Variants in RPL39L observed in about 807,000 individuals in gnomAD.
RPL39L encodes the protein ribosomal protein eL39-like 2.
For missense variants in RPL39L, 48 were observed against 58.9 expected (o/e 0.81, Z 0.61); for synonymous variants, 16 against 20.1 (o/e 0.80, Z 0.55).
At chr3:187,127,338 T>C (rs1720414901) in intron 2 of RPL39L, among the ~76,000 whole-genome samples, 1 of 152,212 alleles carries the variant, frequency 6.6e-6, no homozygotes, top group Admixed American at 6.5e-5. Context: ...CCCAAGAATT[T>C]GCATTTCTAA....
intron 1 of RPL39L, among the ~76,000 whole-genome samples, chr3:187,131,481 G>A (rs1720484392): frequency 6.6e-6 from 1 of 152,202 alleles, no homozygotes; most frequent in African/African-American, 2.4e-5. Flanking sequence ...AGGTTGCAGT[G>A]AGCCAAATCA....
Position 187,137,830 on chromosome 3 carries a change from A to T in RPL39L, c.-93+1383T>A, listed in dbSNP as rs573069985. Among the ~76,000 whole-genome samples the T allele has an allele frequency of 4.6e-5, 7 of 152,178 alleles. 1 individual carries two copies. In the South Asian group the frequency reaches 1.5e-3, roughly 32 times the overall value. On this transcript the variant is annotated intron_variant, in intron 1 of 2. Transcript: ENST00000296277. ...GAAGGATACTCCGTCTCAAAAAAAA[A>T]AAAAAAGGAAAAAAAGAGACTTTAA...
intron 1 of RPL39L, among the ~76,000 whole-genome samples, chr3:187,138,361 T>C (rs539492567): frequency 2.7e-3 from 413 of 152,276 alleles, no homozygotes; most frequent in African/African-American, 9.6e-3. Flanking sequence ...CTTTTGAAGC[T>C]AGTCCTGGTC....
intron 1 of RPL39L, among the ~76,000 whole-genome samples, chr3:187,136,571 G>A (rs2108471151): frequency 6.6e-6 from 1 of 152,124 alleles, no homozygotes; most frequent in South Asian, 2.1e-4. Flanking sequence ...TAGTAAGGTT[G>A]TTTGATATGG....
chr3:187,121,139 A>G lies in RPL39L; in HGVS notation c.*6T>C, dbSNP rs1316234361. On this transcript the variant is annotated 3_prime_UTR_variant, in exon 3 of 3. Transcript: ENST00000296277. ...TAAATATGTGTGCCATCTCATGTGC[A>G]ATTCCTTATAGACCCAGCTTGGTTC... The G allele has an allele frequency of 2.5e-6, 4 of 1,613,222 alleles. No homozygotes were observed. Among genetic ancestry groups the G allele is most frequent in the Non-Finnish European group, 2.5e-6 (3 of 1,179,764 alleles).
At chr3:187,128,399 A>C (rs1023202514) in intron 1 of RPL39L, among the ~76,000 whole-genome samples, 3 of 152,186 alleles carry the variant, frequency 2.0e-5, no homozygotes, top group Non-Finnish European at 4.4e-5. Flanking sequence ...AAACTTCAAA[A>C]AACAGTAATA....
intron 1 of RPL39L, among the ~76,000 whole-genome samples, chr3:187,130,773 T>C (rs984147102): frequency 3.3e-5 from 5 of 152,368 alleles, no homozygotes; most frequent in South Asian, 2.1e-4. Context: ...ATATCTTCTG[T>C]ATGGCAGGTG....
chr3:187,137,134 G>A (rs542257346), intron 1 of RPL39L, among the ~76,000 whole-genome samples: 1 of 142,788 alleles, frequency 7.0e-6, no homozygotes, highest in South Asian at 2.2e-4. Context: ...GAGGAGATGA[G>A]GTTGTAGTGA....
At chr3:187,125,657 C>T (rs1453444265) in intron 2 of RPL39L, among the ~76,000 whole-genome samples, 1 of 151,844 alleles carries the variant, frequency 6.6e-6, no homozygotes, top group Non-Finnish European at 1.5e-5. Flanking sequence ...AACTCCTCTT[C>T]CTTGCCTCTC....
At chr3:187,133,736 A>C (rs905013136) in intron 1 of RPL39L, among the ~76,000 whole-genome samples, 2 of 152,128 alleles carry the variant, frequency 1.3e-5, no homozygotes, top group African/African-American at 4.8e-5. Context: ...GAAGGCTGCA[A>C]GCTGAGAATG....
intron 2 of RPL39L, among the ~76,000 whole-genome samples, 170 bp from the exon 3 acceptor site, chr3:187,121,498 G>GAC (rs1295805242): frequency 6.6e-6 from 1 of 152,224 alleles, no homozygotes; most frequent in African/African-American, 2.4e-5. Flanking sequence ...GCCAGCAGCG[G>GAC]TCTGAGGAGT....
In RPL39L at chr3:187,121,005, C is replaced by A; in HGVS notation, c.*140G>T. 1 of 890,332 alleles carries A rather than the reference C, an allele frequency of 1.1e-6. No homozygotes were observed. Among genetic ancestry groups the A allele is most frequent in the Non-Finnish European group, 1.8e-6 (1 of 562,484 alleles). The allele number at this position is 890,332 out of a possible 1,614,324, so 55.2% of individuals were successfully genotyped here. A position where few individuals can be genotyped will look rare whatever the true frequency, so the allele number is the denominator to read the frequency against. ...CTGAATCCACCCTACTAGCACAGAG[C>A]ATACAGAAAAACAGAAAAAAATATT... On this transcript the variant is annotated 3_prime_UTR_variant, in exon 3 of 3. Coordinates refer to ENST00000296277, the MANE Select transcript of RPL39L (RefSeq NM_052969.3).
intron 2 of RPL39L, among the ~76,000 whole-genome samples, chr3:187,123,304 C>G (rs1720343772): frequency 6.6e-6 from 1 of 152,172 alleles, no homozygotes; most frequent in African/African-American, 2.4e-5. Context: ...ACATTGAAAA[C>G]TAAGCCGCAA....
In RPL39L at chr3:187,121,448, C is replaced by T. The variant is rs1720308382; in HGVS notation, c.-28-120G>A. On this transcript the variant is annotated intron_variant, in intron 2 of 2. Coordinates refer to ENST00000296277, the MANE Select transcript of RPL39L (RefSeq NM_052969.3). Reference sequence around the variant, plus strand: ...TTAGTGCCACAGCGAGGGCTCATTGCCACTCAGGATCCCACAGGCAGCTCA... The same window carrying T: ...TTAGTGCCACAGCGAGGGCTCATTGTCACTCAGGATCCCACAGGCAGCTCA... 1.1e-5 allele frequency: 11 copies of T among 987,996 alleles called. No individual in the cohort carries two copies. The South Asian group carries it at 1.8e-4, about 17-fold the overall frequency. The allele number at this position is 987,996 out of a possible 1,614,324, so 61.2% of individuals were successfully genotyped here. A position where few individuals can be genotyped will look rare whatever the true frequency, so the allele number is the denominator to read the frequency against.
At chr3:187,136,391 A>G (rs530617588) in intron 1 of RPL39L, among the ~76,000 whole-genome samples, 1 of 152,014 alleles carries the variant, frequency 6.6e-6, no homozygotes, top group African/African-American at 2.4e-5. Flanking sequence ...CAGTTCACTT[A>G]TGCAAAACTG....
rs181145837 is a variant in RPL39L, at chr3:187,126,418, C to T, written c.-29+1581G>A. Among the ~76,000 whole-genome samples, 328 of 152,248 alleles carry T rather than the reference C, an allele frequency of 2.2e-3. 2 individuals carry two copies. The highest frequency in any genetic ancestry group is 7.2e-3 in the African/African-American group (301 of 41,556). ...ACCTCAGGCGATCTGCCCGCCTCGG[C>T]CTCCCAAAGTGCTGGGATTACAGGC... On this transcript the variant is annotated intron_variant, in intron 2 of 2. Coordinates refer to ENST00000296277, the MANE Select transcript of RPL39L (RefSeq NM_052969.3).
intron 2 of RPL39L, among the ~76,000 whole-genome samples, chr3:187,123,685 G>A (rs1009299241): frequency 6.6e-6 from 1 of 152,370 alleles, no homozygotes; most frequent in East Asian, 1.9e-4. Flanking sequence ...AACCCTGGTT[G>A]TACTGGTTAG....
intron 1 of RPL39L, among the ~76,000 whole-genome samples, chr3:187,130,339 T>C (rs1720465508): frequency 2.0e-5 from 3 of 152,250 alleles, no homozygotes; most frequent in Admixed American, 6.5e-5. Flanking sequence ...GTTTGGATAT[T>C]TGTCCCCACC....
chr3:187,138,776 T>C (rs13063577), intron 1 of RPL39L, among the ~76,000 whole-genome samples: 55,552 of 152,008 alleles, frequency 0.37, 13,239 homozygotes, highest in African/African-American at 0.68. Context: ...GCCACTACTG[T>C]AGGCCAGGAG....
Sources: gnomAD v4.1 joint callset for allele counts (sites outside exome capture counted in the v4.1 genomes callset) on GRCh38, gnomAD v4.1.1 for gene constraint, MANE v1.5 for transcripts, NCBI Gene and HGNC (gene_info 2026-07-23, HGNC 2026-07-21) for gene names.